CABLES1: variants seen among roughly 807,000 people sequenced by gnomAD.
The protein encoded by CABLES1 is CDK5 and ABL1 enzyme substrate 1.
A neutral mutation model predicts 57.8 loss-of-function variants in CABLES1; 36 were observed. That is an observed-to-expected ratio of 0.62 (90% CI 0.48 to 0.82). The LOEUF is 0.82. CABLES1 is among the 40% of genes least tolerant of loss of function. The pLI is 0.00. For missense variants in CABLES1, 767 were observed against 836.6 expected (o/e 0.92, Z 1.03); for synonymous variants, 374 against 363.0 (o/e 1.03, Z -0.35).
At chr18:23,214,488 A>G (rs1168006651) in intron 4 of CABLES1, 1 of 154,494 alleles carries the variant, frequency 6.5e-6, no homozygotes, top group African/African-American at 2.4e-5. Flanking sequence ...ACAGAGAAAC[A>G]TCAAAGCAAA....
intron 7 of CABLES1, among the ~76,000 whole-genome samples, chr18:23,242,182 G>A (rs935537572): frequency 6.6e-6 from 1 of 152,208 alleles, no homozygotes; most frequent in African/African-American, 2.4e-5. Context: ...GGAGGCTGAG[G>A]CAGGAGAATC....
At chr18:23,173,288 C>T (rs528320583) in intron 1 of CABLES1, among the ~76,000 whole-genome samples, 11 of 152,232 alleles carry the variant, frequency 7.2e-5, no homozygotes, top group Non-Finnish European at 1.0e-4. Flanking sequence ...CTGCTGCGCA[C>T]AGACACCTGC....
At chr18:23,239,622 T>C (rs1315628370) in intron 7 of CABLES1, among the ~76,000 whole-genome samples, 1 of 152,200 alleles carries the variant, frequency 6.6e-6, no homozygotes, top group Non-Finnish European at 1.5e-5. Context: ...TATTTTTGTG[T>C]GTTGGGGAAC....
At chr18:23,196,314 T>C (rs1203809865) in intron 3 of CABLES1, among the ~76,000 whole-genome samples, 1 of 152,176 alleles carries the variant, frequency 6.6e-6, no homozygotes, top group Non-Finnish European at 1.5e-5. Flanking sequence ...CCGCAGGCTG[T>C]AGGCTGAGGC....
intron 3 of CABLES1, among the ~76,000 whole-genome samples, chr18:23,209,804 G>GAC (rs920315884): frequency 2.0e-5 from 3 of 149,302 alleles, no homozygotes; most frequent in Non-Finnish European, 3.0e-5. Flanking sequence ...GCTGGTGAGA[G>GAC]ACATTGCCAG....
intron 7 of CABLES1, among the ~76,000 whole-genome samples, chr18:23,252,435 T>C (rs140513014): frequency 6.6e-5 from 10 of 152,340 alleles, no homozygotes; most frequent in Non-Finnish European, 8.8e-5. Context: ...TATTGAGCAC[T>C]TGCTGTAGGC....
intron 1 of CABLES1, among the ~76,000 whole-genome samples, chr18:23,161,887 A>T (rs895716752): frequency 2.0e-5 from 3 of 151,438 alleles, no homozygotes; most frequent in Admixed American, 2.0e-4. Flanking sequence ...GTGCCACTGC[A>T]CTCCAGCCTG....
At chr18:23,247,941 C>T (rs922424255) in intron 7 of CABLES1, among the ~76,000 whole-genome samples, 2 of 152,244 alleles carry the variant, frequency 1.3e-5, no homozygotes, top group Non-Finnish European at 2.9e-5. Flanking sequence ...ATGGGCCCTC[C>T]CTGCCCACTC....
At chr18:23,251,501 C>G (rs2048036798) in intron 7 of CABLES1, among the ~76,000 whole-genome samples, 1 of 151,988 alleles carries the variant, frequency 6.6e-6, no homozygotes, top group African/African-American at 2.4e-5. Context: ...AAAGACCCAG[C>G]CTTGGCAAGT....
chr18:23,223,570 T>G (rs1598838894), intron 4 of CABLES1, among the ~76,000 whole-genome samples: 1 of 130,236 alleles, frequency 7.7e-6, no homozygotes, highest in East Asian at 2.2e-4. Context: ...AGAATGAGAC[T>G]CCGTCTCAGA....
In CABLES1 at chr18:23,236,400, T is replaced by TA. The variant is rs544035922; in HGVS notation, c.1342+360dup. ...TTTTCATGGTGCTCAATTCGGACTT[T>TA]AAAAAAAAAAATCTGGGCTCTGAAG... On this transcript the variant is annotated intron_variant, in intron 6 of 9. Transcript: ENST00000256925. Among the ~76,000 whole-genome samples, 260 of 148,062 alleles carry TA rather than the reference T, an allele frequency of 1.8e-3. 2 individuals carry two copies. The highest frequency in any genetic ancestry group is 5.3e-3 in the African/African-American group (217 of 40,608).
At chr18:23,214,830 C>G (rs2047430523) in intron 4 of CABLES1, 1 of 152,240 alleles carries the variant, frequency 6.6e-6, no homozygotes, top group Non-Finnish European at 1.5e-5. Flanking sequence ...GACCACTGTC[C>G]CAAGGAGGGC....
intron 4 of CABLES1, among the ~76,000 whole-genome samples, chr18:23,220,519 G>A (rs943746716): frequency 3.9e-5 from 6 of 152,156 alleles, no homozygotes; most frequent in African/African-American, 9.7e-5. Context: ...CTGTGGAGCC[G>A]GTTCAGCCCG....
At position 23,259,716 on chromosome 18, in the gene CABLES1, C is replaced by T. The variant is rs982873739; in HGVS notation, c.*2349C>T. ...CACTGCCAGAGGCACCTCTGTGACA[C>T]GGAACATTCCAGACACGTCGCAGCC... On this transcript the variant is annotated 3_prime_UTR_variant, in exon 10 of 10. Transcript: ENST00000256925. 4 of 152,304 alleles carry T rather than the reference C, an allele frequency of 2.6e-5. No individual in the cohort carries two copies. The highest frequency in any genetic ancestry group is 1.9e-4 in the East Asian group (1 of 5,176). The allele number at this position is 152,304 out of a possible 1,614,324, so 9.4% of individuals were successfully genotyped here.
intron 1 of CABLES1, among the ~76,000 whole-genome samples, chr18:23,159,922 G>A (rs967722742): frequency 6.6e-6 from 1 of 151,382 alleles, no homozygotes; most frequent in Non-Finnish European, 1.5e-5. Flanking sequence ...ACACCGTTAA[G>A]GTGGTAGGGC....
intron 3 of CABLES1, among the ~76,000 whole-genome samples, chr18:23,204,947 G>A (rs2047351922): frequency 6.6e-6 from 1 of 152,198 alleles, no homozygotes; most frequent in Non-Finnish European, 1.5e-5. Flanking sequence ...TGAGATTTGG[G>A]TGGGGACACA....
chr18:23,249,243 G>C (rs2047978921), intron 7 of CABLES1, among the ~76,000 whole-genome samples: 2 of 152,234 alleles, frequency 1.3e-5, no homozygotes, highest in South Asian at 4.1e-4. Context: ...TCAGGGAAGT[G>C]TAACTGTTAG....
chr18:23,249,695 CAG>C (rs1293685089), intron 7 of CABLES1, among the ~76,000 whole-genome samples: 1 of 152,172 alleles, frequency 6.6e-6, no homozygotes, highest in Non-Finnish European at 1.5e-5. Context: ...GGGTGAGGCT[CAG>C]GGAGGTTGAG....
At chr18:23,233,510 A>G (rs1371717887) in intron 4 of CABLES1, among the ~76,000 whole-genome samples, 2 of 152,248 alleles carry the variant, frequency 1.3e-5, no homozygotes, top group Non-Finnish European at 2.9e-5. Flanking sequence ...TTAAAGAACC[A>G]AAGAAATGAT....
Sources: allele counts gnomAD v4.1 joint callset (sites outside exome capture counted in the v4.1 genomes callset), GRCh38; gene constraint gnomAD v4.1.1; transcripts MANE v1.5; gene names NCBI Gene and HGNC (gene_info 2026-07-23, HGNC 2026-07-21).